LTA4H: variants seen among roughly 807,000 people sequenced by gnomAD.
LTA4H encodes the protein leukotriene A4 hydrolase.
In LTA4H, 59 loss-of-function variants were observed where a neutral mutation model predicts 89.8. The ratio of observed to expected loss-of-function variants is 0.66; its 90% CI spans 0.53 to 0.82. LTA4H has a LOEUF of 0.82. Among genes scored for constraint, LTA4H ranks in the 40% least tolerant of loss-of-function variants. The pLI, the probability that LTA4H is intolerant of heterozygous loss-of-function variation, is 0.00. For synonymous variants in LTA4H, 227 were observed against 253.1 expected (o/e 0.90, Z 0.98); for missense variants, 617 against 727.0 (o/e 0.85, Z 1.74).
chr12:96,035,759 G>C, upstream of LTA4H: 1 of 933,044 alleles, frequency 1.1e-6, no homozygotes, highest in Middle Eastern at 3.8e-4. Context: ...GTGTGTGTTA[G>C]GGATGTTGAG....
At chr12:96,027,091 A>G (rs1950520908) in intron 3 of LTA4H, among the ~76,000 whole-genome samples, 1 of 152,162 alleles carries the variant, frequency 6.6e-6, no homozygotes, top group African/African-American at 2.4e-5. Context: ...TTTCTTTACT[A>G]TTAGCATTTT....
chr12:96,043,417 T>TA, exon 1 of LTA4H: 1 of 1,283,580 alleles, frequency 7.8e-7, no homozygotes. Context: ...GGAGAGAAAA[T>TA]AAACTCCCAA....
At chr12:96,024,590 G>C (rs368078730) in intron 3 of LTA4H, 43 bp from the exon 4 acceptor site, 4 of 1,210,700 alleles carry the variant, frequency 3.3e-6, no homozygotes, top group Non-Finnish European at 2.4e-6. Context: ...TTTATCTTTC[G>C]CATAAGTCAT....
At chr12:96,043,163 G>T (rs1385603961) in intron 1 of LTA4H, 1 of 657,920 alleles carries the variant, frequency 1.5e-6, no homozygotes. Context: ...AAAACTCCCT[G>T]ACGCAACCTG....
chr12:96,024,672 T>G, intron 3 of LTA4H, 125 bp from the exon 4 acceptor site: 1 of 473,392 alleles, frequency 2.1e-6, no homozygotes, highest in South Asian at 2.6e-5. Context: ...TCTTGGGATT[T>G]TTTTTTTTTT....
chr12:96,025,223 A>G (rs1950500475), intron 3 of LTA4H: 2 of 152,162 alleles, frequency 1.3e-5, no homozygotes, highest in African/African-American at 4.8e-5. Context: ...CCACTAGAAT[A>G]TTAGCCGCCT....
At chr12:96,035,858 G>A (rs1289365619), upstream of LTA4H, among the ~76,000 whole-genome samples, 1 of 152,106 alleles carries the variant, frequency 6.6e-6, no homozygotes, top group Non-Finnish European at 1.5e-5. Context: ...GAGAATGGAG[G>A]GGGAGATAAA....
At chr12:96,023,331 T>C (rs1566013389) in intron 4 of LTA4H, among the ~76,000 whole-genome samples, 1 of 152,122 alleles carries the variant, frequency 6.6e-6, no homozygotes, top group Non-Finnish European at 1.5e-5. Flanking sequence ...GTTATATATA[T>C]GTGCCAGCTG....
chr12:96,014,567 T>C (rs1352672854), intron 12 of LTA4H, among the ~76,000 whole-genome samples: 1 of 152,204 alleles, frequency 6.6e-6, no homozygotes, highest in African/African-American at 2.4e-5. Flanking sequence ...CTTGTTACTC[T>C]TATAAACTTC....
At position 96,018,829 on chromosome 12, in the gene LTA4H, C is replaced by G; in HGVS notation, c.786G>C (p.Leu262=). ...TGCCACCATAAGGGAAGGATGGTGG[C>G]AGGACCAATAGGTCATACTGTCCCC... ...YVWGQYDLLV[L]PPSFPYGGME... is the part of the protein sequence containing the mutation. Residue 262 remains leucine, a synonymous_variant, in exon 8 of 19, where the codon CTG becomes CTC. Transcript: ENST00000228740. The G allele has an allele frequency of 6.2e-7, 1 of 1,605,846 alleles. No individual in the cohort carries two copies. Among genetic ancestry groups the G allele is most frequent in the Non-Finnish European group, 8.5e-7 (1 of 1,177,294 alleles).
chr12:96,008,876 G>A lies in LTA4H; in HGVS notation c.1434+218C>T, dbSNP rs112554611. On this transcript the variant is annotated intron_variant, in intron 15 of 18. Transcript: ENST00000228740. Reference sequence around the variant, plus strand: ...TGAGGCTGCAATGAGCCATGATCACGCCACTGTAGTCCAGCCTGGGCAACA... The same window carrying A: ...TGAGGCTGCAATGAGCCATGATCACACCACTGTAGTCCAGCCTGGGCAACA... 0.043 allele frequency among the ~76,000 whole-genome samples: 6,465 copies of A among 151,804 alleles called. 386 individuals carry two copies. The highest frequency in any genetic ancestry group is 0.13 in the African/African-American group (5,469 of 41,500).
chr12:96,019,509 G>A (rs565393396), intron 6 of LTA4H, among the ~76,000 whole-genome samples: 1 of 151,306 alleles, frequency 6.6e-6, no homozygotes, highest in Non-Finnish European at 1.5e-5. Flanking sequence ...ATTGCCTCTT[G>A]TAAGACCTCT....
chr12:96,012,805 G>A (rs1220782220), intron 14 of LTA4H: 2 of 177,526 alleles, frequency 1.1e-5, no homozygotes, highest in African/African-American at 2.4e-5. Context: ...GTGCAACCTA[G>A]GGCAAGACAC....
intron 1 of LTA4H, among the ~76,000 whole-genome samples, chr12:96,030,934 T>C (rs955080850): frequency 1.3e-5 from 2 of 152,218 alleles, no homozygotes; most frequent in African/African-American, 4.8e-5. Flanking sequence ...TGAATAGCTA[T>C]TCAGAATAGC....
Position 96,022,131 on chromosome 12 carries a change from G to A in LTA4H, c.585+16C>T, listed in dbSNP as rs1463626162. On this transcript the variant is annotated intron_variant, in intron 5 of 18. Transcript: ENST00000228740. This position sits in a 1 kb window ranked among gnomAD's most constrained non-coding sequence, Gnocchi z 4.0. ...TACCGCCAATGAAAACAAAAATCTA[G>A]ACCCTAGGATCTTACTTTTTGGATG... The A allele has an allele frequency of 6.3e-7, 1 of 1,577,856 alleles. No individual in the cohort carries two copies. Among genetic ancestry groups the A allele is most frequent in the East Asian group, 2.2e-5 (1 of 44,630 alleles).
chr12:96,000,940 A>C lies in LTA4H; in HGVS notation c.*49T>G. ...AGCTGAAGTTTTATATTTCTTTACG[A>C]ATTCCATTTAAAAAAGAGAAATCTC... On this transcript the variant is annotated 3_prime_UTR_variant, in exon 19 of 19. Transcript: ENST00000228740. 8.0e-7 allele frequency: 1 copy of C among 1,250,452 alleles called. No individual in the cohort carries two copies. Among genetic ancestry groups the C allele is most frequent in the Non-Finnish European group, 1.2e-6 (1 of 853,940 alleles). 77.5% of individuals were successfully genotyped at this position (1,250,452 alleles called of 1,614,324 possible).
rs538221870 is a variant in LTA4H, at chr12:96,022,743, T to C, written c.481-492A>G. 6.6e-6 allele frequency among the ~76,000 whole-genome samples: 1 copy of C among 152,226 alleles called. No homozygotes were observed. The highest frequency in any genetic ancestry group is 1.5e-5 in the Non-Finnish European group (1 of 68,008). ...AAGTAAGTGTAAAACTTCAAAGGCT[T>C]GCTGCAAGGAATAAATAATATAAGT... On this transcript the variant is annotated intron_variant, in intron 4 of 18. Coordinates refer to ENST00000228740, the MANE Select transcript of LTA4H (RefSeq NM_000895.3). This position sits in a 1 kb window ranked among gnomAD's most constrained non-coding sequence, Gnocchi z 4.0.
chr12:96,037,374 A>C (rs1215698750), upstream of LTA4H, among the ~76,000 whole-genome samples: 1 of 152,202 alleles, frequency 6.6e-6, no homozygotes, highest in Non-Finnish European at 1.5e-5. Flanking sequence ...GAACACCAGA[A>C]TTTATTGTTT....
chr12:96,007,332 A>T (rs1009271507), intron 15 of LTA4H, among the ~76,000 whole-genome samples: 3 of 152,184 alleles, frequency 2.0e-5, no homozygotes, highest in Non-Finnish European at 4.4e-5. Context: ...TGCAAATCTA[A>T]ACTATATATT....
Sources: gnomAD v4.1 joint callset for allele counts (sites outside exome capture counted in the v4.1 genomes callset) on GRCh38, gnomAD v4.1.1 for gene constraint, Gnocchi (gnomAD v3.1) non-coding constraint, MANE v1.5 for transcripts, NCBI Gene and HGNC (gene_info 2026-07-23, HGNC 2026-07-21) for gene names.